Variants in COL24A1 observed in about 807,000 individuals in gnomAD.
COL24A1 encodes collagen type XXIV alpha 1 chain, also known as collagen alpha-1(XXIV) chain.
Under a neutral mutation model 253.9 loss-of-function variants are expected in COL24A1, and 224 were observed. That is an observed-to-expected ratio of 0.88 (90% CI 0.79 to 0.99). The LOEUF (loss-of-function observed/expected upper bound fraction) is 0.99, where lower values mean the gene tolerates loss of function less well. Among genes scored for constraint, COL24A1 ranks in the 50% least tolerant of loss-of-function variants. The probability of loss-of-function intolerance (pLI) is 0.00; values close to 1 mark genes in which losing one functional copy is unlikely to be tolerated. For synonymous variants in COL24A1, 685 were observed against 673.7 expected (o/e 1.02, Z -0.26); for missense variants, 2,131 against 2,068.5 (o/e 1.03, Z -0.59).
intron 7 of COL24A1, among the ~76,000 whole-genome samples, chr1:86,081,207 T>C (rs1019928371): frequency 3.9e-5 from 6 of 152,204 alleles, no homozygotes; most frequent in African/African-American, 1.4e-4. Flanking sequence ...TTCCTATGCC[T>C]TGGCAAATTG....
chr1:85,926,916 C>A (rs897670842), intron 24 of COL24A1, among the ~76,000 whole-genome samples: 1 of 152,070 alleles, frequency 6.6e-6, no homozygotes, highest in African/African-American at 2.4e-5. Context: ...AGAGAGAAAT[C>A]TGTGTGATGT....
chr1:85,892,994 T>C (rs1402595123), intron 31 of COL24A1, among the ~76,000 whole-genome samples: 4 of 152,116 alleles, frequency 2.6e-5, no homozygotes, highest in Non-Finnish European at 5.9e-5. Context: ...GACCCAAATC[T>C]AACCACATCA....
At chr1:85,800,598 A>G (rs968925362) in intron 47 of COL24A1, among the ~76,000 whole-genome samples, 3 of 152,114 alleles carry the variant, frequency 2.0e-5, no homozygotes, top group Non-Finnish European at 4.4e-5. Flanking sequence ...AATTAAAGTG[A>G]TGTCAGGAAG....
chr1:85,875,531 G>A lies in COL24A1; in HGVS notation c.3031-201C>T, dbSNP rs1681055962. Among the ~76,000 whole-genome samples the A allele has an allele frequency of 2.0e-5, 3 of 152,106 alleles. No homozygotes were observed. The South Asian group carries it at 6.2e-4, about 32-fold the overall frequency. On this transcript the variant is annotated intron_variant, in intron 33 of 59. Transcript: ENST00000370571. Reference sequence around the variant, plus strand: ...TCAAGACAACTTCGTCTAAAATTAGGACTTTTAAGATCCATTTCTTCTAAT... The same window carrying A: ...TCAAGACAACTTCGTCTAAAATTAGAACTTTTAAGATCCATTTCTTCTAAT...
At chr1:86,074,844 T>C (rs1292241107) in intron 7 of COL24A1, among the ~76,000 whole-genome samples, 1 of 152,192 alleles carries the variant, frequency 6.6e-6, no homozygotes, top group African/African-American at 2.4e-5. Context: ...ATAAGTTCTT[T>C]GAAACCAATG....
intron 38 of COL24A1, 70 bp downstream of exon 38, chr1:85,849,283 T>C (rs1373990841): frequency 1.8e-5 from 20 of 1,127,274 alleles, no homozygotes; most frequent in Non-Finnish European, 2.5e-5. Flanking sequence ...TTAAAAACAT[T>C]ACAGCAGTCT....
chr1:85,889,266 C>G (rs1404443636), intron 32 of COL24A1, among the ~76,000 whole-genome samples: 2 of 152,034 alleles, frequency 1.3e-5, no homozygotes, highest in African/African-American at 2.4e-5. Flanking sequence ...ATTATAAGAA[C>G]AGCAAGCCAT....
intron 24 of COL24A1, among the ~76,000 whole-genome samples, chr1:85,936,633 T>C (rs1688272208): frequency 6.8e-6 from 1 of 146,880 alleles, no homozygotes. Flanking sequence ...CCCCAGGAGG[T>C]TGCACAAGCT....
intron 7 of COL24A1, among the ~76,000 whole-genome samples, chr1:86,073,083 A>G (rs1553124093): frequency 6.6e-6 from 1 of 151,964 alleles, no homozygotes; most frequent in Non-Finnish European, 1.5e-5. Flanking sequence ...GAGGATCACA[A>G]CTCCTCGCCA....
At chr1:85,939,281 A>G (rs997570730) in intron 24 of COL24A1, among the ~76,000 whole-genome samples, 2 of 152,188 alleles carry the variant, frequency 1.3e-5, no homozygotes, top group Non-Finnish European at 2.9e-5. Flanking sequence ...CCTTTATTCA[A>G]TGTTCACTTA....
At chr1:85,995,456 T>C (rs1488112281) in intron 19 of COL24A1, among the ~76,000 whole-genome samples, 2 of 152,192 alleles carry the variant, frequency 1.3e-5, no homozygotes, top group South Asian at 4.1e-4. Context: ...CTTTTAGTCT[T>C]CTAAAGTCCA....
Position 86,156,569 on chromosome 1 carries a change from A to G in COL24A1, c.-173T>C. On this transcript the variant is annotated 5_prime_UTR_variant, in exon 1 of 60. Coordinates refer to ENST00000370571, the MANE Select transcript of COL24A1 (RefSeq NM_152890.7). ...GGAGGGGGTGAAGTCGGGAGGAGGT[A>G]GGAAATAGCACCCGAAGGGGAGGAC... 2.1e-6 allele frequency: 1 copy of G among 483,916 alleles called. No homozygotes were observed. Among genetic ancestry groups the G allele is most frequent in the Non-Finnish European group, 3.5e-6 (1 of 282,988 alleles). The allele number at this position is 483,916 out of a possible 1,614,324, so 30.0% of individuals were successfully genotyped here.
intron 5 of COL24A1, among the ~76,000 whole-genome samples, chr1:86,096,710 A>G (rs983559117): frequency 6.6e-5 from 10 of 152,108 alleles, no homozygotes; most frequent in Admixed American, 6.6e-4. Flanking sequence ...TCTAAATTCT[A>G]TCTATTCTGC....
intron 20 of COL24A1, among the ~76,000 whole-genome samples, chr1:85,984,654 A>T (rs1411403786): frequency 1.3e-5 from 2 of 151,862 alleles, no homozygotes; most frequent in Non-Finnish European, 3.0e-5. Flanking sequence ...TCCATTCTCT[A>T]CACTATTTGT....
intron 7 of COL24A1, among the ~76,000 whole-genome samples, chr1:86,086,812 C>T (rs913695871): frequency 1.2e-4 from 18 of 152,160 alleles, no homozygotes; most frequent in Non-Finnish European, 2.4e-4. Flanking sequence ...CCCAAGCCTG[C>T]GAAGTGGAGA....
intron 57 of COL24A1, among the ~76,000 whole-genome samples, chr1:85,743,548 T>TG (rs546229120): frequency 1.5e-3 from 226 of 152,272 alleles, no homozygotes; most frequent in African/African-American, 5.1e-3. Context: ...TGAAAGTATT[T>TG]GGGGGGCGTA....
At chr1:86,130,321 G>C (rs1260587189) in intron 2 of COL24A1, among the ~76,000 whole-genome samples, 1 of 151,742 alleles carries the variant, frequency 6.6e-6, no homozygotes, top group Admixed American at 6.6e-5. Flanking sequence ...TGTTTTCTTT[G>C]AATGTATAAA....
At chr1:85,771,984 A>G (rs1457253375) in intron 53 of COL24A1, among the ~76,000 whole-genome samples, 5 of 139,326 alleles carry the variant, frequency 3.6e-5, no homozygotes, top group South Asian at 5.0e-4. Flanking sequence ...AGAGTGTGAT[A>G]TTCCCCTTCC....
intron 19 of COL24A1, among the ~76,000 whole-genome samples, chr1:86,003,610 C>T (rs1056545546): frequency 3.3e-5 from 5 of 152,078 alleles, no homozygotes; most frequent in East Asian, 1.9e-4. Context: ...TACACTTATG[C>T]ATACTCTGAA....
Sources: allele counts gnomAD v4.1 joint callset (sites outside exome capture counted in the v4.1 genomes callset), GRCh38; gene constraint gnomAD v4.1.1; transcripts MANE v1.5; gene names NCBI Gene and HGNC (gene_info 2026-07-23, HGNC 2026-07-21).